The following ZNF282 variants were observed in gnomAD, a reference collection of about 807,000 sequenced individuals.
The protein encoded by ZNF282 is HTLV-I U5 repressive element-binding protein 1.
A neutral mutation model predicts 61.9 loss-of-function variants in ZNF282; 30 were observed. The observed-to-expected ratio is 0.48, with a 90% confidence interval of 0.36 to 0.66. ZNF282 has a LOEUF of 0.66. Ranked by LOEUF, ZNF282 falls within the 30% of genes least tolerant of loss-of-function variation. The pLI is 0.00. For synonymous variants in ZNF282, 396 were observed against 405.0 expected (o/e 0.98, Z 0.27); for missense variants, 788 against 941.4 (o/e 0.84, Z 2.13).
intron 3 of ZNF282, among the ~76,000 whole-genome samples, 178 bp downstream of exon 3, chr7:149,207,000 T>G (rs1796001739): frequency 6.6e-6 from 1 of 152,080 alleles, no homozygotes; most frequent in Non-Finnish European, 1.5e-5. Context: ...GGATAAAAAT[T>G]TAAAACCCAG....
rs770262980 is a variant in ZNF282, at chr7:149,198,348, A to G, written c.181A>G (p.Met61Val). Reference sequence around the variant, plus strand: ...CTGCATACAGGCTCAAGAATGGGACATGGACGCCCGGCGGCCAATGCCTTT... The same window carrying G: ...CTGCATACAGGCTCAAGAATGGGACGTGGACGCCCGGCGGCCAATGCCTTT... ...MPPMQAQEWDMDARRPMPFQF... is the reference protein window; with the variant it reads ...MPPMQAQEWDVDARRPMPFQF... Residue 61 changes from methionine to valine, a missense_variant, in exon 2 of 8, where the codon ATG becomes GTG. By Grantham distance (21) the Met-to-Val change is conservative. This residue lies in a region of ZNF282 where 137 missense variants were observed against 135.4 expected (regional missense o/e 1.01). Transcript: ENST00000610704. The surrounding 1 kb of genome is among the most constrained non-coding windows in gnomAD (Gnocchi z 4.3). 2 of 1,610,082 alleles carry G rather than the reference A, an allele frequency of 1.2e-6. No homozygotes were observed. The highest frequency in any genetic ancestry group is 1.7e-5 in the Admixed American group (1 of 59,794).
At chr7:149,213,583 C>G in intron 6 of ZNF282, 118 bp from the exon 7 acceptor site, 2 of 705,390 alleles carry the variant, frequency 2.8e-6, no homozygotes, top group East Asian at 5.5e-5. Flanking sequence ...AATGCAACAC[C>G]GATACCAAAA....
At chr7:149,222,941 T>A (rs1044100631) in intron 7 of ZNF282, among the ~76,000 whole-genome samples, 2 of 132,350 alleles carry the variant, frequency 1.5e-5, no homozygotes, top group African/African-American at 5.7e-5. Flanking sequence ...CCACTGCGCC[T>A]GGCCTTTTTA....
At chr7:149,202,306 G>A (rs1423246981) in intron 2 of ZNF282, among the ~76,000 whole-genome samples, 15 of 150,982 alleles carry the variant, frequency 9.9e-5, no homozygotes, top group Admixed American at 1.3e-4. Flanking sequence ...CACCATGCCC[G>A]GCTAATTTTT....
chr7:149,220,946 G>A (rs1331355316), intron 7 of ZNF282, among the ~76,000 whole-genome samples: 1 of 145,432 alleles, frequency 6.9e-6, no homozygotes, highest in South Asian at 2.1e-4. Context: ...TTGAGATAAG[G>A]TTTCACTCTG....
chr7:149,204,562 G>A (rs1197307593), intron 2 of ZNF282, among the ~76,000 whole-genome samples: 1 of 152,116 alleles, frequency 6.6e-6, no homozygotes, highest in Admixed American at 6.5e-5. Flanking sequence ...GGAGGAAGAG[G>A]TGAAGGGCAC....
In ZNF282 at chr7:149,198,499, A is replaced by G; in HGVS notation, c.332A>G (p.Lys111Arg). Residue 111 changes from lysine (K) to arginine (R), a missense_variant, in exon 2 of 8, where the codon AAG becomes AGG. Around this residue, in one of 3 missense-constraint regions of ZNF282, gnomAD observed 92 missense variants for 163.9 expected, o/e 0.56. Coordinates refer to ENST00000610704, the MANE Select transcript of ZNF282 (RefSeq NM_003575.4). This position sits in a 1 kb window ranked among gnomAD's most constrained non-coding sequence, Gnocchi z 4.3. ...VVAAIQAVER[K>R]VDAQASQLLN... ...GCTGCCATTCAGGCTGTGGAGAGGA[A>G]GGTGGATGCCCAGGCCAGCCAGCTG... is the stretch of plus-strand genomic sequence containing the variant. The G allele has an allele frequency of 6.2e-7, 1 of 1,614,016 alleles. No homozygotes were observed. The highest frequency in any genetic ancestry group is 1.1e-5 in the South Asian group (1 of 91,078).
Position 149,210,639 on chromosome 7 carries a change from A to ACAC in ZNF282, c.889_891dup (p.Thr297dup). 6.2e-7 allele frequency: 1 copy of ACAC among 1,612,344 alleles called. No individual in the cohort carries two copies. Among genetic ancestry groups the ACAC allele is most frequent in the Non-Finnish European group, 8.5e-7 (1 of 1,179,436 alleles). Reference sequence around the variant, plus strand: ...GCGTCCTCCCAGGTGAAGCGTGAGGACACCCTGTGTGTCCGGGGTCAGCGG... The same window carrying ACAC: ...GCGTCCTCCCAGGTGAAGCGTGAGGACACCACCCTGTGTGTCCGGGGTCAGCGG... On this transcript the variant is annotated inframe_insertion, in exon 5 of 8. Transcript: ENST00000610704.
At position 149,206,738 on chromosome 7, in the gene ZNF282, G is replaced by A; in HGVS notation, c.628G>A (p.Asp210Asn). Residue 210 changes from aspartate to asparagine, a missense_variant, in exon 3 of 8, where the codon GAC becomes AAC. Asp to Asn is a conservative substitution (Grantham distance 23). Around this residue, in one of 3 missense-constraint regions of ZNF282, gnomAD observed 92 missense variants for 163.9 expected, o/e 0.56. Transcript: ENST00000610704. ...CGACATTGCTGTGTACTTCTCCGAA[G>A]ACGAGTGGAAGAACTTGGACGAATG... ...FVDIAVYFSEDEWKNLDEWQK... is the reference protein window; with the variant it reads ...FVDIAVYFSENEWKNLDEWQK... 6.2e-7 allele frequency: 1 copy of A among 1,614,228 alleles called. No individual in the cohort carries two copies. The highest frequency in any genetic ancestry group is 8.5e-7 in the Non-Finnish European group (1 of 1,180,044).
At chr7:149,207,494 G>C in intron 4 of ZNF282, 24 bp downstream of exon 4, 7 of 1,556,056 alleles carry the variant, frequency 4.5e-6, no homozygotes, top group Non-Finnish European at 6.1e-6. Flanking sequence ...AAGAGAGTGC[G>C]GGGTCCAGGG....
rs10249179 is a variant in ZNF282, at chr7:149,225,137, T to C, written c.*490T>C. ...TTTTTTAAGTGTTTTCTATCCGTTA[T>C]CCATTTCACCCTTGGCCTATCCCTC... On this transcript the variant is annotated 3_prime_UTR_variant, in exon 8 of 8. Coordinates refer to ENST00000610704, the MANE Select transcript of ZNF282 (RefSeq NM_003575.4). 2.0e-3 allele frequency: 333 copies of C among 162,704 alleles called. 2 individuals carry two copies. The highest frequency in any genetic ancestry group is 7.6e-3 in the African/African-American group (315 of 41,668). 10.1% of individuals were successfully genotyped at this position (162,704 alleles called of 1,614,324 possible).
At position 149,225,795 on chromosome 7, in the gene ZNF282, C is replaced by T. The variant is rs1188462317; in HGVS notation, c.*1148C>T. 1 of 152,746 alleles carries T rather than the reference C, an allele frequency of 6.5e-6. No individual in the cohort carries two copies. Among genetic ancestry groups the T allele is most frequent in the Non-Finnish European group, 1.5e-5 (1 of 68,108 alleles). The allele number at this position is 152,746 out of a possible 1,614,324, so 9.5% of individuals were successfully genotyped here. ...GTGCTCACGGACATGGATACAGACCCTGCTGTGCTCCACACCCTGCAGGCG... is the reference window on the plus strand; with the variant it reads ...GTGCTCACGGACATGGATACAGACCTTGCTGTGCTCCACACCCTGCAGGCG... On this transcript the variant is annotated 3_prime_UTR_variant, in exon 8 of 8. Coordinates refer to ENST00000610704, the MANE Select transcript of ZNF282 (RefSeq NM_003575.4).
At chr7:149,203,893 T>C (rs1447201515) in intron 2 of ZNF282, among the ~76,000 whole-genome samples, 1 of 152,246 alleles carries the variant, frequency 6.6e-6, no homozygotes, top group African/African-American at 2.4e-5. Flanking sequence ...TTGTGTTAGT[T>C]ACCTATTGCT....
intron 5 of ZNF282, among the ~76,000 whole-genome samples, chr7:149,211,591 C>CCAA (rs1378523822): frequency 3.9e-5 from 6 of 152,146 alleles, no homozygotes; most frequent in Non-Finnish European, 8.8e-5. Flanking sequence ...TATCTGGGTA[C>CCAA]CGTGGCCGAG....
intron 7 of ZNF282, among the ~76,000 whole-genome samples, chr7:149,217,636 AG>A (rs34814702): frequency 0.53 from 79,812 of 151,978 alleles, 24,462 homozygotes; most frequent in East Asian, 0.87. Context: ...GCCAGCAAGC[AG>A]GCAAGGTAAA....
rs934599391 is a variant in ZNF282, at chr7:149,224,857, G to A, written c.*210G>A. The A allele has an allele frequency of 2.1e-5, 20 of 933,748 alleles. No individual in the cohort carries two copies. Among genetic ancestry groups the A allele is most frequent in the African/African-American group, 3.3e-5 (2 of 60,204 alleles). 57.8% of individuals were successfully genotyped at this position (933,748 alleles called of 1,614,324 possible). On this transcript the variant is annotated 3_prime_UTR_variant, in exon 8 of 8. Transcript: ENST00000610704. ...CATCTAGGGTGGACCCAGCTGCTGG[G>A]GAAGAGCCAGGGGGACCGCGAGGAG...
chr7:149,225,098 A>G lies in ZNF282; in HGVS notation c.*451A>G, dbSNP rs777172268. The G allele has an allele frequency of 5.1e-5, 9 of 177,226 alleles. No homozygotes were observed. Among genetic ancestry groups the G allele is most frequent in the African/African-American group, 7.1e-5 (3 of 42,040 alleles). 11.0% of individuals were successfully genotyped at this position (177,226 alleles called of 1,614,324 possible). On this transcript the variant is annotated 3_prime_UTR_variant, in exon 8 of 8. Coordinates refer to ENST00000610704, the MANE Select transcript of ZNF282 (RefSeq NM_003575.4). ...GATGACAACACTGCCTCGCGTTTCA[A>G]TAGCGCTTTATACTTTTTTAAGTGT...
At chr7:149,219,672 C>A (rs1796207481) in intron 7 of ZNF282, among the ~76,000 whole-genome samples, 1 of 152,016 alleles carries the variant, frequency 6.6e-6, no homozygotes, top group Admixed American at 6.6e-5. Flanking sequence ...CATGGAGAGA[C>A]CCTGTCTCTA....
At chr7:149,212,056 G>A (rs551430899) in intron 5 of ZNF282, among the ~76,000 whole-genome samples, 3 of 152,154 alleles carry the variant, frequency 2.0e-5, no homozygotes, top group East Asian at 1.9e-4. Flanking sequence ...ACCTCTTTCT[G>A]TGGTGGTCTC....
Sources: allele counts gnomAD v4.1 joint callset (sites outside exome capture counted in the v4.1 genomes callset), GRCh38; gene constraint gnomAD v4.1.1; regional missense constraint gnomAD v4.1.1; non-coding constraint Gnocchi (gnomAD v3.1); transcripts MANE v1.5; gene names NCBI Gene and HGNC (gene_info 2026-07-23, HGNC 2026-07-21).